SLC2A5: variants seen among roughly 807,000 people sequenced by gnomAD.
The protein encoded by SLC2A5 is solute carrier family 2, facilitated glucose transporter member 5.
A neutral mutation model predicts 50.3 loss-of-function variants in SLC2A5; 56 were observed. That is an observed-to-expected ratio of 1.11 (90% CI 0.90 to 1.39). The LOEUF (loss-of-function observed/expected upper bound fraction) is 1.39, where lower values mean the gene tolerates loss of function less well. Ranked by LOEUF, SLC2A5 falls within the 40% of genes most tolerant of loss-of-function variation. SLC2A5 has a pLI of 0.00. For synonymous variants in SLC2A5, 269 were observed against 281.9 expected, an observed-to-expected ratio of 0.95 and a Z score of 0.46; for missense variants, 566 against 650.1, an observed-to-expected ratio of 0.87 and a Z score of 1.41.
At chr1:9,062,727 C>T (rs1260357738) in intron 1 of SLC2A5, among the ~76,000 whole-genome samples, 1 of 151,788 alleles carries the variant, frequency 6.6e-6, no homozygotes, top group Non-Finnish European at 1.5e-5. Context: ...CAAAAATAAG[C>T]CAGGCGTGGT....
chr1:9,047,486 G>A (rs908210535), intron 4 of SLC2A5, 124 bp downstream of exon 4: 3 of 936,204 alleles, frequency 3.2e-6, no homozygotes, highest in Admixed American at 4.9e-5. Flanking sequence ...CTGTTTCACA[G>A]CAGAGGTATA....
intron 4 of SLC2A5, among the ~76,000 whole-genome samples, chr1:9,046,665 CGTGT>C (rs55827239): frequency 0.065 from 9,528 of 146,834 alleles, 407 homozygotes; most frequent in East Asian, 0.18. Context: ...ACCTGGTTCT[CGTGT>C]GTGTGTGTGT....
chr1:9,081,935 A>T (rs1370824778), intron 2 of SLC2A5, among the ~76,000 whole-genome samples: 1 of 152,118 alleles, frequency 6.6e-6, no homozygotes, highest in East Asian at 1.9e-4. Context: ...TACAAAAATT[A>T]GTCAGGTGTG....
chr1:9,078,435 G>T (rs1642316981), intron 2 of SLC2A5, among the ~76,000 whole-genome samples: 1 of 152,096 alleles, frequency 6.6e-6, no homozygotes, highest in African/African-American at 2.4e-5. Context: ...GAGTCGCTCT[G>T]GTTCCAATGC....
At chr1:9,038,081 C>T in intron 10 of SLC2A5, 57 bp from the exon 11 acceptor site, 9 of 1,590,276 alleles carry the variant, frequency 5.7e-6, no homozygotes, top group Non-Finnish European at 7.7e-6. Context: ...GCATCCCAGG[C>T]CTGGCCATGC....
chr1:9,053,524 A>G (rs1351124939), intron 3 of SLC2A5, among the ~76,000 whole-genome samples: 22 of 94,394 alleles, frequency 2.3e-4, no homozygotes, highest in African/African-American at 8.4e-4. Context: ...TTATCTATAT[A>G]TTTATATATT....
At chr1:9,056,556 C>T (rs1272127386) in intron 3 of SLC2A5, among the ~76,000 whole-genome samples, 2 of 152,136 alleles carry the variant, frequency 1.3e-5, no homozygotes, top group Non-Finnish European at 1.5e-5. Context: ...ACTCTGGGCT[C>T]ACTAGATCTG....
chr1:9,035,683 T>G lies in SLC2A5; in HGVS notation c.*1903A>C, dbSNP rs1419574221. The G allele has an allele frequency of 6.6e-6, 1 of 152,170 alleles. No individual in the cohort carries two copies. The highest frequency in any genetic ancestry group is 1.9e-4 in the East Asian group (1 of 5,190). 9.4% of individuals were successfully genotyped at this position (152,170 alleles called of 1,614,324 possible). A position where few individuals can be genotyped will look rare whatever the true frequency, so the allele number is the denominator to read the frequency against. ...CATATCTCTAAGAAAAACCTCCAGCTCTCTATATTTTTGGGGAGAGACCTG... is the reference window on the plus strand; with the variant it reads ...CATATCTCTAAGAAAAACCTCCAGCGCTCTATATTTTTGGGGAGAGACCTG... On this transcript the variant is annotated 3_prime_UTR_variant, in exon 12 of 12. Coordinates refer to ENST00000377424, the MANE Select transcript of SLC2A5 (RefSeq NM_003039.3).
At chr1:9,058,771 G>C (rs1460468207) in intron 1 of SLC2A5, among the ~76,000 whole-genome samples, 1 of 151,704 alleles carries the variant, frequency 6.6e-6, no homozygotes, top group Non-Finnish European at 1.5e-5. Flanking sequence ...AAGAGAAAAA[G>C]AGAAAATTTT....
chr1:9,069,111 T>C (rs1217683037), intron 1 of SLC2A5, among the ~76,000 whole-genome samples: 1 of 152,218 alleles, frequency 6.6e-6, no homozygotes, highest in Non-Finnish European at 1.5e-5. Flanking sequence ...CTCAGCTATG[T>C]TACTTGCTGA....
Position 9,059,536 on chromosome 1 carries a change from C to CTTTTTTTTTTTTT in SLC2A5, c.34-1299_34-1287dup, listed in dbSNP as rs58395185. ...CACGGTATCTAAATCTACAGAGAAT[C>CTTTTTTTTTTTTT]TTTTTTTTTTTTTTTTTTCTGAGAC... On this transcript the variant is annotated intron_variant, in intron 1 of 11. Transcript: ENST00000377424. Among the ~76,000 whole-genome samples, 13 of 98,408 alleles carry CTTTTTTTTTTTTT rather than the reference C, an allele frequency of 1.3e-4. 2 individuals are homozygous for CTTTTTTTTTTTTT. The highest frequency in any genetic ancestry group is 2.8e-4 in the African/African-American group (6 of 21,674). 64.6% of individuals were successfully genotyped at this position (98,408 alleles called of 152,430 possible). A position where few individuals can be genotyped will look rare whatever the true frequency, so the allele number is the denominator to read the frequency against.
At chr1:9,082,623 A>G (rs562901291) in intron 2 of SLC2A5, 1 of 158,454 alleles carries the variant, frequency 6.3e-6, no homozygotes, top group Non-Finnish European at 1.4e-5. Context: ...CCAGACAGAA[A>G]AAGGTTGCAT....
chr1:9,058,349 T>C, intron 1 of SLC2A5, 99 bp from the exon 2 acceptor site: 3 of 830,022 alleles, frequency 3.6e-6, no homozygotes, highest in Non-Finnish European at 6.1e-6. Flanking sequence ...AATCTGAAGA[T>C]CCATAGTCTT....
At position 9,037,555 on chromosome 1, in the gene SLC2A5, C is replaced by T; in HGVS notation, c.*31G>A. On this transcript the variant is annotated 3_prime_UTR_variant, in exon 12 of 12. Coordinates refer to ENST00000377424, the MANE Select transcript of SLC2A5 (RefSeq NM_003039.3). ...ATAAGCCAAAGTGGGAAGCCCCTGG[C>T]AGACCAGCTCCACTGGCTTCCTCTC... The T allele has an allele frequency of 1.3e-6, 2 of 1,592,532 alleles. No homozygotes were observed. The highest frequency in any genetic ancestry group is 1.7e-6 in the Non-Finnish European group (2 of 1,161,244).
intron 1 of SLC2A5, among the ~76,000 whole-genome samples, chr1:9,063,475 C>A (rs929951925): frequency 1.2e-4 from 18 of 151,878 alleles, no homozygotes; most frequent in Admixed American, 9.2e-4. Flanking sequence ...TCGGTTCAAG[C>A]AATTCTCCTG....
At chr1:9,093,779 T>C in the SLC2A5 span, among the ~76,000 whole-genome samples, 1 of 152,208 alleles carries the variant, frequency 6.6e-6, no homozygotes, top group African/African-American at 2.4e-5. Flanking sequence ...TTCGGAGACC[T>C]GGATGTGCTT....
At chr1:9,079,282 A>T (rs1394734473) in intron 2 of SLC2A5, among the ~76,000 whole-genome samples, 1 of 152,078 alleles carries the variant, frequency 6.6e-6, no homozygotes, top group Non-Finnish European at 1.5e-5. Context: ...CTTCAGAGAC[A>T]TGACAAGGTG....
chr1:9,059,707 T>C (rs1466410207), intron 1 of SLC2A5, among the ~76,000 whole-genome samples: 1 of 151,476 alleles, frequency 6.6e-6, no homozygotes, highest in East Asian at 1.9e-4. Context: ...TTAAAAAATA[T>C]ATTTTTATAG....
At chr1:9,083,479 C>T (rs1041197084) in intron 2 of SLC2A5, among the ~76,000 whole-genome samples, 4 of 152,190 alleles carry the variant, frequency 2.6e-5, no homozygotes, top group African/African-American at 4.8e-5. Flanking sequence ...ATCAACATAG[C>T]GCTGGATTTG....
Sources: allele counts gnomAD v4.1 joint callset (sites outside exome capture counted in the v4.1 genomes callset), GRCh38; gene constraint gnomAD v4.1.1; transcripts MANE v1.5; gene names NCBI Gene and HGNC (gene_info 2026-07-23, HGNC 2026-07-21).